SDCBP: variants seen among roughly 807,000 people sequenced by gnomAD.
SDCBP encodes the protein syntenin-1.
SDCBP carries 22 observed loss-of-function variants against 30.5 expected under a neutral mutation model. The observed-to-expected ratio is 0.72, with a 90% CI of 0.52 to 1.03. The LOEUF (loss-of-function observed/expected upper bound fraction) is 1.03, where lower values mean the gene tolerates loss of function less well. Among genes scored for constraint, SDCBP ranks in the 50% least tolerant of loss-of-function variants. The pLI is 0.00. For synonymous variants in SDCBP, 103 were observed against 118.7 expected, an observed-to-expected ratio of 0.87 and a Z score of 0.86; for missense variants, 304 against 369.9, an observed-to-expected ratio of 0.82 and a Z score of 1.46.
intron 1 of SDCBP, among the ~76,000 whole-genome samples, chr8:58,564,318 C>T (rs1804594188): frequency 1.3e-5 from 2 of 152,048 alleles, no homozygotes; most frequent in South Asian, 4.1e-4. Context: ...CTCAAAACAG[C>T]TAAATAAAAT....
chr8:58,570,493 TG>T (rs1804953832), intron 2 of SDCBP, among the ~76,000 whole-genome samples: 1 of 152,158 alleles, frequency 6.6e-6, no homozygotes, highest in Non-Finnish European at 1.5e-5. Context: ...TATATGAATA[TG>T]GGTAAGGTTT....
chr8:58,581,808 G>A lies in SDCBP; in HGVS notation c.*68G>A, dbSNP rs1805703507. The A allele has an allele frequency of 6.1e-6, 8 of 1,304,726 alleles. No homozygotes were observed. The highest frequency in any genetic ancestry group is 3.5e-5 in the South Asian group (3 of 84,544). The allele number at this position is 1,304,726 out of a possible 1,614,324, so 80.8% of individuals were successfully genotyped here. ...CCTTCTTTGGCAACTTCTGTATTAT[G>A]CACGTGAAGCCTTCCCGGAGCCAGC... On this transcript the variant is annotated 3_prime_UTR_variant, in exon 9 of 9. Coordinates refer to ENST00000260130, the MANE Select transcript of SDCBP (RefSeq NM_005625.4).
chr8:58,580,349 T>G (rs969863033), intron 7 of SDCBP, among the ~76,000 whole-genome samples, 168 bp from the exon 8 acceptor site: 21 of 152,192 alleles, frequency 1.4e-4, no homozygotes, highest in Non-Finnish European at 1.5e-5. Context: ...CTTAAGCAAT[T>G]TGGTTACTAG....
intron 1 of SDCBP, among the ~76,000 whole-genome samples, chr8:58,562,625 C>G (rs1352543799): frequency 1.3e-5 from 2 of 152,060 alleles, no homozygotes; most frequent in African/African-American, 2.4e-5. Context: ...AACTGGGTTT[C>G]CACATGGATA....
chr8:58,562,437 T>A (rs1329959347), intron 1 of SDCBP, among the ~76,000 whole-genome samples: 1 of 152,284 alleles, frequency 6.6e-6, no homozygotes, highest in East Asian at 1.9e-4. Context: ...TAACTGATTT[T>A]AAAACTTAAT....
chr8:58,565,757 G>A (rs1429256044), intron 2 of SDCBP, among the ~76,000 whole-genome samples: 2 of 151,930 alleles, frequency 1.3e-5, no homozygotes, highest in Non-Finnish European at 2.9e-5. Context: ...GGAAATTTTT[G>A]GTAATTATTT....
At chr8:58,567,588 G>A (rs1322912738) in intron 2 of SDCBP, among the ~76,000 whole-genome samples, 2 of 152,188 alleles carry the variant, frequency 1.3e-5, no homozygotes, top group Non-Finnish European at 2.9e-5. Context: ...TTTGACAAAT[G>A]TATAGTGACG....
At chr8:58,579,278 A>G (rs1237592302) in intron 6 of SDCBP, among the ~76,000 whole-genome samples, 1 of 152,226 alleles carries the variant, frequency 6.6e-6, no homozygotes, top group African/African-American at 2.4e-5. Context: ...AATAAAAATT[A>G]TCTTTACCAC....
rs918130725 is a variant in SDCBP, at chr8:58,578,959, A to C, written c.579-664A>C. On this transcript the variant is annotated intron_variant, in intron 6 of 8. Transcript: ENST00000260130. ...AGAAATGCCTCTTCTGAATTTAATA[A>C]TGTAAACACAAGTTGATCCTAAAAC... Among the ~76,000 whole-genome samples the C allele has an allele frequency of 2.5e-4, 38 of 152,236 alleles. 1 individual carries two copies. The highest frequency in any genetic ancestry group is 1.3e-4 in the Admixed American group (2 of 15,288).
intron 1 of SDCBP, among the ~76,000 whole-genome samples, chr8:58,556,901 T>G (rs1268345971): frequency 1.4e-5 from 2 of 141,568 alleles, no homozygotes; most frequent in African/African-American, 5.2e-5. Flanking sequence ...GTATAATACG[T>G]ATTATAATAT....
intron 1 of SDCBP, among the ~76,000 whole-genome samples, chr8:58,558,392 C>T (rs1200584553): frequency 6.6e-6 from 1 of 152,150 alleles, no homozygotes; most frequent in African/African-American, 2.4e-5. Flanking sequence ...AGTGGTCCTC[C>T]TACCTCAGCC....
At chr8:58,577,963 C>T (rs1805440919) in intron 5 of SDCBP, 70 bp from the exon 6 acceptor site, 7 of 1,224,324 alleles carry the variant, frequency 5.7e-6, no homozygotes, top group South Asian at 1.3e-5. Flanking sequence ...CAGTTGTTTC[C>T]TAATTTTCCA....
chr8:58,566,234 T>C (rs1377995206), intron 2 of SDCBP, among the ~76,000 whole-genome samples: 1 of 152,216 alleles, frequency 6.6e-6, no homozygotes, highest in East Asian at 1.9e-4. Flanking sequence ...ATATTTAGCT[T>C]TCCAGAATAA....
intron 1 of SDCBP, chr8:58,561,724 T>C (rs1447260398): frequency 4.4e-6 from 3 of 675,738 alleles, no homozygotes; most frequent in Non-Finnish European, 8.0e-6. Context: ...CAAAAGTATG[T>C]TCAACATGAA....
intron 5 of SDCBP, among the ~76,000 whole-genome samples, chr8:58,577,362 A>G (rs1311349177): frequency 6.6e-6 from 1 of 152,244 alleles, no homozygotes; most frequent in Non-Finnish European, 1.5e-5. Flanking sequence ...GAGATTTTAC[A>G]TAAGTAAAAA....
chr8:58,563,213 A>G (rs1387132149), intron 1 of SDCBP, among the ~76,000 whole-genome samples: 1 of 152,250 alleles, frequency 6.6e-6, no homozygotes, highest in African/African-American at 2.4e-5. Flanking sequence ...CAGCATAAAT[A>G]TAATGTGGTA....
intron 4 of SDCBP, 34 bp from the exon 5 acceptor site, chr8:58,575,866 C>G: frequency 6.5e-7 from 1 of 1,529,980 alleles, no homozygotes. Flanking sequence ...GAGAGTGTTT[C>G]TAGATATTGA....
intron 6 of SDCBP, 106 bp from the exon 7 acceptor site, chr8:58,579,517 G>T: frequency 2.6e-6 from 2 of 770,490 alleles, no homozygotes; most frequent in South Asian, 3.9e-5. Context: ...ATTAGAAACA[G>T]TGTTTATTAT....
intron 6 of SDCBP, among the ~76,000 whole-genome samples, chr8:58,579,300 T>G (rs1805536137): frequency 6.6e-6 from 1 of 152,212 alleles, no homozygotes; most frequent in Non-Finnish European, 1.5e-5. Flanking sequence ...GTGATTTAGT[T>G]AAAAAGCCTA....
Sources: gnomAD v4.1 joint callset for allele counts (sites outside exome capture counted in the v4.1 genomes callset) on GRCh38, gnomAD v4.1.1 for gene constraint, MANE v1.5 for transcripts, NCBI Gene and HGNC (gene_info 2026-07-23, HGNC 2026-07-21) for gene names.